Variants in PIN4 observed in about 807,000 individuals in gnomAD.
PIN4 encodes peptidylprolyl cis/trans isomerase, NIMA-interacting 4, also known as peptidyl-prolyl cis-trans isomerase NIMA-interacting 4.
In PIN4, 3 loss-of-function variants were observed where a neutral mutation model predicts 8.3. That is an observed-to-expected ratio of 0.36 (90% CI 0.16 to 0.93). The LOEUF is 0.93. Ranked by LOEUF, PIN4 falls within the 40% of genes least tolerant of loss-of-function variation. The pLI, the probability that PIN4 is intolerant of heterozygous loss-of-function variation, is 0.44. For missense variants in PIN4, 75 were observed against 100.6 expected (o/e 0.75, Z 1.09); for synonymous variants, 18 against 32.5 (o/e 0.55, Z 1.52).
chrX:72,237,347 A>G (rs1422264544), intron 3 of PIN4, among the ~76,000 whole-genome samples: 2 of 110,941 alleles, frequency 1.8e-5, no homozygotes, highest in East Asian at 5.7e-4. Flanking sequence ...AAACACAAAA[A>G]AAATACTTTG....
chrX:72,191,177 TAAAA>T (rs112974185), intron 2 of PIN4, among the ~76,000 whole-genome samples: 10,590 of 109,780 alleles, frequency 0.096, 721 homozygotes, highest in South Asian at 0.23. Flanking sequence ...CAGATTCGCC[TAAAA>T]AAATACGAGT....
chrX:72,201,355 G>T (rs999444437), downstream of PIN4, among the ~76,000 whole-genome samples: 30 of 112,302 alleles, frequency 2.7e-4, no homozygotes, highest in Non-Finnish European at 1.9e-5. Context: ...TCTTTGGGGG[G>T]CCGAGACAGG....
At chrX:72,256,983 G>C (rs1267397543) in intron 3 of PIN4, among the ~76,000 whole-genome samples, 2 of 112,047 alleles carry the variant, frequency 1.8e-5, no homozygotes, top group Non-Finnish European at 3.8e-5. Flanking sequence ...TAAGGACTTA[G>C]ACTACAAATG....
chrX:72,260,441 G>A (rs926854259), intron 3 of PIN4, among the ~76,000 whole-genome samples: 1 of 112,197 alleles, frequency 8.9e-6, no homozygotes, highest in African/African-American at 3.2e-5. Context: ...AAATAGTGGT[G>A]TGCATCAGGG....
chrX:72,213,048 T>G (rs1047547620), intron 3 of PIN4, among the ~76,000 whole-genome samples: 8 of 112,434 alleles, frequency 7.1e-5, no homozygotes, highest in Non-Finnish European at 1.5e-4. Context: ...TGCTCTTTGT[T>G]TTGTAATCTG....
intron 3 of PIN4, chrX:72,204,678 C>T (rs1322574929): frequency 2.3e-5 from 3 of 127,695 alleles, no homozygotes; most frequent in African/African-American, 6.3e-5. Context: ...AGAAAAGTAA[C>T]TTTAATTTTC....
At chrX:72,246,085 G>A (rs1381370832) in intron 3 of PIN4, among the ~76,000 whole-genome samples, 18 of 110,800 alleles carry the variant, frequency 1.6e-4, no homozygotes, top group Non-Finnish European at 1.9e-5. Context: ...ATGTCACCCC[G>A]GAAGCTCAAA....
In PIN4 at chrX:72,240,722, C is replaced by A. The variant is rs2043045587; in HGVS notation, c.313-21985C>A. 3.7e-5 allele frequency among the ~76,000 whole-genome samples: 4 copies of A among 108,071 alleles called. No homozygotes were observed. In the Admixed American group the frequency reaches 4.0e-4, roughly 11 times the overall value. The allele number at this position is 108,071 out of a possible 115,157, so 93.8% of individuals were successfully genotyped here. ...GGCTGGGGTGGAAGAATCGCTTGAACCCAGGAGGCAGACGTTGCAGTGAGC... is the reference window on the plus strand; with the variant it reads ...GGCTGGGGTGGAAGAATCGCTTGAAACCAGGAGGCAGACGTTGCAGTGAGC... On this transcript the variant is annotated intron_variant, in intron 3 of 3. Coordinates refer to the PIN4 transcript ENST00000423432.
At chrX:72,214,672 CAAA>C (rs58451189) in intron 3 of PIN4, among the ~76,000 whole-genome samples, 3 of 41,987 alleles carry the variant, frequency 7.1e-5, no homozygotes. Flanking sequence ...GACTCCATCT[CAAA>C]AAAAAAAAAA....
intron 3 of PIN4, among the ~76,000 whole-genome samples, chrX:72,240,514 G>C (rs1274214760): frequency 9.0e-6 from 1 of 111,558 alleles, no homozygotes; most frequent in African/African-American, 3.3e-5. Flanking sequence ...GAGTTAAAAG[G>C]AATGTTGGAG....
intron 3 of PIN4, among the ~76,000 whole-genome samples, chrX:72,232,349 C>T (rs1602452107): frequency 1.1e-5 from 1 of 92,545 alleles, no homozygotes; most frequent in Non-Finnish European, 2.1e-5. Flanking sequence ...TTTGGGAGGC[C>T]AAGGCAGGTG....
downstream of PIN4, among the ~76,000 whole-genome samples, chrX:72,202,549 A>T (rs771279763): frequency 2.7e-5 from 3 of 112,115 alleles, no homozygotes; most frequent in Non-Finnish European, 5.6e-5. Context: ...AAAAACAAAG[A>T]TGTGTAGGGC....
At chrX:72,204,427 G>A (rs952565252) in intron 3 of PIN4, among the ~76,000 whole-genome samples, 37 of 112,017 alleles carry the variant, frequency 3.3e-4, no homozygotes, top group African/African-American at 8.8e-4. Context: ...TTCTCTTGGG[G>A]ATGCTGAGTA....
chrX:72,199,340 C>T (rs2042781322), downstream of PIN4, among the ~76,000 whole-genome samples: 1 of 111,050 alleles, frequency 9.0e-6, no homozygotes, highest in African/African-American at 3.3e-5. Flanking sequence ...TTTAAGAAGA[C>T]CAGCCTGGCC....
intron 3 of PIN4, among the ~76,000 whole-genome samples, chrX:72,228,110 T>C (rs1239260891): frequency 8.9e-6 from 1 of 112,034 alleles, no homozygotes; most frequent in African/African-American, 3.2e-5. Context: ...TCGGGACAAA[T>C]ACAGAATGTG....
intron 3 of PIN4, among the ~76,000 whole-genome samples, chrX:72,211,884 C>T: frequency 8.9e-6 from 1 of 112,273 alleles, no homozygotes; most frequent in East Asian, 2.8e-4. Context: ...TGGAAAGCTA[C>T]ACTTTCGCTG....
chrX:72,205,140 T>C (rs373688535), intron 3 of PIN4: 1 of 1,210,221 alleles, frequency 8.3e-7, no homozygotes, highest in African/African-American at 1.7e-5. Context: ...ACTCTTTTAG[T>C]TCTTTTCCAC....
intron 3 of PIN4, among the ~76,000 whole-genome samples, chrX:72,256,850 A>G (rs1198098662): frequency 2.7e-5 from 3 of 112,226 alleles, no homozygotes; most frequent in Non-Finnish European, 5.6e-5. Flanking sequence ...AACAGTAGGT[A>G]CAAAGGCCCT....
chrX:72,203,879 A>G (rs189542599), intron 3 of PIN4, among the ~76,000 whole-genome samples: 4 of 112,206 alleles, frequency 3.6e-5, no homozygotes, highest in Non-Finnish European at 7.5e-5. Context: ...GCAGCGTGCT[A>G]TACTGCAGTT....
Sources: allele counts gnomAD v4.1 joint callset (sites outside exome capture counted in the v4.1 genomes callset), GRCh38; gene constraint gnomAD v4.1.1; transcripts MANE v1.5; gene names NCBI Gene and HGNC (gene_info 2026-07-23, HGNC 2026-07-21).